KIAA1217: variants seen among roughly 807,000 people sequenced by gnomAD.
KIAA1217 encodes the protein KIAA1217.
Under a neutral mutation model 163.9 loss-of-function variants are expected in KIAA1217, and 88 were observed. That is an observed-to-expected ratio of 0.54 (90% confidence interval 0.45 to 0.64). The LOEUF is 0.64. KIAA1217 is among the 30% of genes least tolerant of loss of function. The pLI is 0.00. For synonymous variants in KIAA1217, 903 were observed against 923.1 expected, an observed-to-expected ratio of 0.98 and a Z score of 0.39; for missense variants, 2,372 against 2,475.0, an observed-to-expected ratio of 0.96 and a Z score of 0.88.
At chr10:23,780,984 G>A (rs541195529) in intron 1 of KIAA1217, among the ~76,000 whole-genome samples, 20 of 152,156 alleles carry the variant, frequency 1.3e-4, no homozygotes, top group African/African-American at 3.4e-4. Context: ...CCTGGACACC[G>A]GATTTTCTTA....
intron 1 of KIAA1217, among the ~76,000 whole-genome samples, chr10:24,216,598 G>T (rs1224574284): frequency 3.3e-5 from 5 of 151,836 alleles, no homozygotes; most frequent in Admixed American, 6.6e-5. Flanking sequence ...AGGCTGAGGT[G>T]GGCAGATCAC....
intron 2 of KIAA1217, among the ~76,000 whole-genome samples, chr10:24,031,105 G>C (rs1421944628): frequency 6.6e-6 from 1 of 152,132 alleles, no homozygotes; most frequent in African/African-American, 2.4e-5. Flanking sequence ...AACTACCATT[G>C]CATTTTCCAC....
chr10:23,920,226 A>G (rs1359244311), intron 1 of KIAA1217, among the ~76,000 whole-genome samples: 2 of 152,140 alleles, frequency 1.3e-5, no homozygotes, highest in African/African-American at 2.4e-5. Context: ...GGACTCAGGT[A>G]AAAGGAGAGG....
chr10:24,207,296 AC>A (rs1470298463), upstream of KIAA1217, among the ~76,000 whole-genome samples: 1 of 151,470 alleles, frequency 6.6e-6, no homozygotes, highest in African/African-American at 2.4e-5. Flanking sequence ...ACACACACAC[AC>A]ACACACACAC....
rs141846142 is a variant in KIAA1217 at position 24,003,920 on chromosome 10, C to G, written c.-320-3305C>G. Among the ~76,000 whole-genome samples the G allele has an allele frequency of 4.4e-3, 668 of 152,300 alleles. 11 individuals carry two copies. The highest frequency in any genetic ancestry group is 0.015 in the African/African-American group (639 of 41,564). ...CTAAATAAACCCTCTCTTCCAAAGTCTTACGAACTGGGTAGCAACATCCAA... is the reference window on the plus strand; with the variant it reads ...CTAAATAAACCCTCTCTTCCAAAGTGTTACGAACTGGGTAGCAACATCCAA... On this transcript the variant is annotated intron_variant, in intron 1 of 18. Transcript: ENST00000376462.
rs191392707 is a variant in KIAA1217, at chr10:24,533,001, C to T, written c.3247-69C>T. ...GTGTTCTAGACAGTGAGGGACCATA[C>T]GATCTGTCCCTTTTTTGCTAGCACC... On this transcript the variant is annotated intron_variant, in intron 15 of 20. Transcript: ENST00000376454. The T allele has an allele frequency of 2.8e-4, 401 of 1,444,290 alleles. No individual in the cohort carries two copies. The African/African-American group carries it at 4.8e-3, about 17-fold the overall frequency. 89.5% of individuals were successfully genotyped at this position (1,444,290 alleles called of 1,614,324 possible).
At chr10:23,776,817 A>G (rs1307604745) in intron 1 of KIAA1217, among the ~76,000 whole-genome samples, 1 of 151,364 alleles carries the variant, frequency 6.6e-6, no homozygotes, top group Non-Finnish European at 1.5e-5. Flanking sequence ...AGTAGCTGAG[A>G]TTACAGGAGT....
intron 1 of KIAA1217, among the ~76,000 whole-genome samples, chr10:23,937,700 G>A (rs745936495): frequency 1.3e-5 from 2 of 152,136 alleles, no homozygotes; most frequent in African/African-American, 2.4e-5. Context: ...AAGTAAATGG[G>A]AACTTCTGCT....
intron 3 of KIAA1217, among the ~76,000 whole-genome samples, chr10:24,389,410 G>T (rs1453144016): frequency 6.6e-6 from 1 of 152,038 alleles, no homozygotes; most frequent in African/African-American, 2.4e-5. Flanking sequence ...GTGGGGTGGG[G>T]GAATGGGGGA....
chr10:24,460,938 T>A (rs2062339931), intron 5 of KIAA1217, among the ~76,000 whole-genome samples: 1 of 152,152 alleles, frequency 6.6e-6, no homozygotes, highest in African/African-American at 2.4e-5. Context: ...AGTAAGAAGC[T>A]GAGACCACAT....
chr10:24,337,158 A>G (rs1487545689), intron 2 of KIAA1217, among the ~76,000 whole-genome samples: 1 of 152,230 alleles, frequency 6.6e-6, no homozygotes, highest in Non-Finnish European at 1.5e-5. Context: ...TGCAAATCGT[A>G]CACCTGATAA....
At chr10:24,179,315 TG>T (rs910826090) in intron 2 of KIAA1217, among the ~76,000 whole-genome samples, 46 of 152,238 alleles carry the variant, frequency 3.0e-4, no homozygotes, top group African/African-American at 1.1e-3. Flanking sequence ...GATTGGATCA[TG>T]GGGGTGGTTT....
intron 2 of KIAA1217, among the ~76,000 whole-genome samples, chr10:24,173,988 T>C (rs970425545): frequency 6.6e-5 from 10 of 152,222 alleles, no homozygotes; most frequent in African/African-American, 2.4e-4. Flanking sequence ...AACATGTGCC[T>C]TGTGACACCT....
intron 2 of KIAA1217, among the ~76,000 whole-genome samples, chr10:24,101,013 C>T (rs1322363745): frequency 6.6e-6 from 1 of 152,200 alleles, no homozygotes; most frequent in African/African-American, 2.4e-5. Context: ...TAACAAACAT[C>T]CTTTAAGCTG....
chr10:23,886,230 C>T (rs1393526203), intron 1 of KIAA1217, among the ~76,000 whole-genome samples: 1 of 151,914 alleles, frequency 6.6e-6, no homozygotes, highest in African/African-American at 2.4e-5. Flanking sequence ...AAGTGTTCCT[C>T]TTATTGCTAA....
chr10:24,466,793 A>G (rs1303162251), intron 5 of KIAA1217: 1 of 985,230 alleles, frequency 1.0e-6, no homozygotes, highest in African/African-American at 1.7e-5. Flanking sequence ...AAGAAAAAGT[A>G]AGTGGCTTTA....
At chr10:24,518,173 A>T (rs2070499990) in intron 10 of KIAA1217, among the ~76,000 whole-genome samples, 1 of 152,250 alleles carries the variant, frequency 6.6e-6, no homozygotes, top group Admixed American at 6.5e-5. Context: ...TGTGACGTCT[A>T]TGAATATCTG....
At chr10:24,377,187 C>T (rs76282462) in intron 2 of KIAA1217, among the ~76,000 whole-genome samples, 3,711 of 152,210 alleles carry the variant, frequency 0.024, 161 homozygotes, top group African/African-American at 0.085. Context: ...CCCCTTCATG[C>T]ATGACCCCAA....
intron 1 of KIAA1217, among the ~76,000 whole-genome samples, chr10:23,859,373 C>G (rs1325849287): frequency 6.6e-6 from 1 of 152,178 alleles, no homozygotes; most frequent in East Asian, 1.9e-4. Context: ...ACTAAACTCT[C>G]TATATGTAAT....
Sources: gnomAD v4.1 joint callset for allele counts (sites outside exome capture counted in the v4.1 genomes callset) on GRCh38, gnomAD v4.1.1 for gene constraint, MANE v1.5 for transcripts, NCBI Gene and HGNC (gene_info 2026-07-23, HGNC 2026-07-21) for gene names.